Variants in GARNL3 observed in about 807,000 individuals in gnomAD.
The protein encoded by GARNL3 is GTPase activating Rap/RanGAP domain like 3.
In GARNL3, 63 loss-of-function variants were observed where a neutral mutation model predicts 125.0. That is an observed-to-expected ratio of 0.50 (90% CI 0.41 to 0.62). The LOEUF (loss-of-function observed/expected upper bound fraction) is 0.62, where lower values mean the gene tolerates loss of function less well. Among genes scored for constraint, GARNL3 ranks in the 20% least tolerant of loss-of-function variants. The probability of loss-of-function intolerance (pLI) is 0.00; values close to 1 mark genes in which losing one functional copy is unlikely to be tolerated. For synonymous variants in GARNL3, 439 were observed against 457.5 expected, an observed-to-expected ratio of 0.96 and a Z score of 0.52; for missense variants, 994 against 1,244.0, an observed-to-expected ratio of 0.80 and a Z score of 3.02.
Position 127,333,037 on chromosome 9 carries a change from C to T in GARNL3, c.685C>T (p.Pro229Ser). The T allele has an allele frequency of 6.2e-7, 1 of 1,613,668 alleles. No individual in the cohort carries two copies. Among genetic ancestry groups the T allele is most frequent in the Non-Finnish European group, 8.5e-7 (1 of 1,179,596 alleles). The change falls in exon 9 of 28, where the codon CCT becomes TCT. Residue 229 changes from proline (P) to serine (S), a missense_variant. Around this residue, in one of 5 missense-constraint regions of GARNL3, gnomAD observed 71 missense variants for 66.2 expected, o/e 1.07. Coordinates refer to ENST00000373387, the MANE Select transcript of GARNL3 (RefSeq NM_032293.5). ...TCTTCCTGCAGAAATTGGAAGCGAG[C>T]CTTTTCAAAAATTTTTAAATCTTCT... ...EMFSNEIGSEPFQKFLNLLGD... is the reference protein window; with the variant it reads ...EMFSNEIGSESFQKFLNLLGD...
chr9:127,339,540 G>C (rs1331861969), intron 12 of GARNL3, 105 bp from the exon 13 acceptor site: 2 of 782,658 alleles, frequency 2.6e-6, no homozygotes, highest in Non-Finnish European at 4.5e-6. Context: ...TCCCACCCAT[G>C]GCATGTGGGA....
At chr9:127,235,780 T>C (rs959820860) in intron 1 of GARNL3, among the ~76,000 whole-genome samples, 6 of 152,208 alleles carry the variant, frequency 3.9e-5, no homozygotes, top group Non-Finnish European at 1.5e-5. Flanking sequence ...GACAAAACTG[T>C]TTCTTTGGAA....
At chr9:127,319,263 T>A (rs1564135740) in intron 5 of GARNL3, among the ~76,000 whole-genome samples, 2 of 152,066 alleles carry the variant, frequency 1.3e-5, no homozygotes, top group African/African-American at 4.8e-5. Flanking sequence ...GTCAGGCAGA[T>A]CATGAGGTCA....
chr9:127,370,724 G>A lies in GARNL3; in HGVS notation c.2161+5358G>A, dbSNP rs1831560484. Among the ~76,000 whole-genome samples, 5 of 152,132 alleles carry A rather than the reference G, an allele frequency of 3.3e-5. No homozygotes were observed. The Middle Eastern group carries it at 0.01, about 310-fold the overall frequency. ...TTCTTGCTTTCTTTCTGCCCCTCTGGCCCTCTTGTCTCAGTACTGTGCCGT... is the reference window on the plus strand; with the variant it reads ...TTCTTGCTTTCTTTCTGCCCCTCTGACCCTCTTGTCTCAGTACTGTGCCGT... On this transcript the variant is annotated intron_variant, in intron 22 of 27. Transcript: ENST00000373387.
chr9:127,227,723 A>C (rs1588648418), intron 1 of GARNL3, among the ~76,000 whole-genome samples: 1 of 152,344 alleles, frequency 6.6e-6, no homozygotes, highest in African/African-American at 2.4e-5. Context: ...GTTCAAGACT[A>C]GTCTGGGCTA....
chr9:127,300,478 T>G (rs1284809324), intron 2 of GARNL3: 3 of 401,192 alleles, frequency 7.5e-6, no homozygotes, highest in East Asian at 7.8e-5. Context: ...TTTTCTTTTT[T>G]TTGTTGTTTT....
At chr9:127,282,451 A>G (rs1434667751) in intron 1 of GARNL3, among the ~76,000 whole-genome samples, 1 of 152,210 alleles carries the variant, frequency 6.6e-6, no homozygotes, top group African/African-American at 2.4e-5. Flanking sequence ...AAGTAGGTAC[A>G]GTCATTGTCC....
intron 2 of GARNL3, among the ~76,000 whole-genome samples, chr9:127,296,546 A>G (rs2064597878): frequency 7.3e-6 from 1 of 136,190 alleles, no homozygotes. Context: ...ATCTTGGCTC[A>G]CTGTAACCTC....
At chr9:127,281,373 A>G (rs1487202664) in intron 1 of GARNL3, among the ~76,000 whole-genome samples, 1 of 152,198 alleles carries the variant, frequency 6.6e-6, no homozygotes, top group African/African-American at 2.4e-5. Context: ...GACAGGGGCC[A>G]GGGACAAGGA....
intron 17 of GARNL3, among the ~76,000 whole-genome samples, chr9:127,351,552 C>G (rs995813774): frequency 1.3e-5 from 2 of 151,092 alleles, no homozygotes; most frequent in African/African-American, 2.4e-5. Flanking sequence ...TCTCTTATTT[C>G]TTTGTTTACC....
rs189104111 is a variant in GARNL3, at chr9:127,361,243, G to A, written c.2094+3866G>A. Among the ~76,000 whole-genome samples, 267 of 152,098 alleles carry A rather than the reference G, an allele frequency of 1.8e-3. 1 individual carries two copies. Among genetic ancestry groups the A allele is most frequent in the African/African-American group, 5.9e-3 (244 of 41,484 alleles). On this transcript the variant is annotated intron_variant, in intron 21 of 27. Coordinates refer to ENST00000373387, the MANE Select transcript of GARNL3 (RefSeq NM_032293.5). ...TATCATTTTAAAGTACCAATAGAAT[G>A]AACTACTTATTACTTTTTATTTTTT...
chr9:127,275,267 T>C (rs1031558234), intron 1 of GARNL3, among the ~76,000 whole-genome samples: 5 of 152,224 alleles, frequency 3.3e-5, no homozygotes, highest in South Asian at 2.1e-4. Context: ...TTTACCTCTT[T>C]GGGGCTGTTA....
chr9:127,388,845 T>G, intron 25 of GARNL3, 59 bp from the exon 26 acceptor site: 1 of 1,020,620 alleles, frequency 9.8e-7, no homozygotes, highest in Non-Finnish European at 1.6e-6. Context: ...AATTACTCTC[T>G]TGTAAATAAT....
intron 4 of GARNL3, among the ~76,000 whole-genome samples, chr9:127,317,728 AAAC>A (rs1311397080): frequency 3.4e-5 from 5 of 147,058 alleles, no homozygotes; most frequent in Non-Finnish European, 6.1e-5. Context: ...AAACAAAACA[AAAC>A]AAAACAACAA....
At chr9:127,255,150 T>C (rs1364961255) in intron 2 of GARNL3, among the ~76,000 whole-genome samples, 1 of 152,186 alleles carries the variant, frequency 6.6e-6, no homozygotes, top group Non-Finnish European at 1.5e-5. Context: ...CACTCCTGGG[T>C]ATGGAATCTA....
chr9:127,315,676 A>C (rs572237995), intron 4 of GARNL3, among the ~76,000 whole-genome samples: 1 of 152,106 alleles, frequency 6.6e-6, no homozygotes, highest in Admixed American at 6.5e-5. Flanking sequence ...AAAAAAAAAA[A>C]CTAGCTAAAC....
upstream of GARNL3, chr9:127,263,983 T>C: frequency 6.5e-7 from 1 of 1,528,520 alleles, no homozygotes; most frequent in Non-Finnish European, 8.8e-7. Flanking sequence ...ACCTACCTTT[T>C]AAGGAAGGAT....
At chr9:127,319,814 A>G (rs1311364740) in intron 5 of GARNL3, among the ~76,000 whole-genome samples, 1 of 152,214 alleles carries the variant, frequency 6.6e-6, no homozygotes, top group Non-Finnish European at 1.5e-5. Context: ...AAGAACGTTT[A>G]AAAACTAGGC....
At chr9:127,245,200 G>C (rs569759416) in intron 2 of GARNL3, 1 of 152,490 alleles carries the variant, frequency 6.6e-6, no homozygotes, top group African/African-American at 2.4e-5. Flanking sequence ...TGCAAGGCCC[G>C]CAGTGCACCG....
Sources: allele counts gnomAD v4.1 joint callset (sites outside exome capture counted in the v4.1 genomes callset), GRCh38; gene constraint gnomAD v4.1.1; regional missense constraint gnomAD v4.1.1; transcripts MANE v1.5; gene names NCBI Gene and HGNC (gene_info 2026-07-23, HGNC 2026-07-21).